RBFOX1: variants seen among roughly 807,000 people sequenced by gnomAD.
The protein encoded by RBFOX1 is RNA binding protein fox-1 homolog 1.
RBFOX1 carries 8 observed loss-of-function variants against 57.7 expected under a neutral mutation model. That is an observed-to-expected ratio of 0.14 (90% CI 0.08 to 0.25). The LOEUF is 0.25. Ranked by LOEUF, RBFOX1 falls within the 10% of genes least tolerant of loss-of-function variation. The probability of loss-of-function intolerance (pLI) is 1.00; values close to 1 mark genes in which losing one functional copy is unlikely to be tolerated. For missense variants in RBFOX1, 611 were observed against 548.5 expected, an observed-to-expected ratio of 1.11 and a Z score of -1.14; for synonymous variants, 326 against 222.4, an observed-to-expected ratio of 1.47 and a Z score of -4.15.
At chr16:6,876,868 C>T (rs1252290709) in intron 3 of RBFOX1, among the ~76,000 whole-genome samples, 1 of 152,148 alleles carries the variant, frequency 6.6e-6, no homozygotes, top group Non-Finnish European at 1.5e-5. Context: ...TGGCATTCAT[C>T]ATAGTGTAAA....
At chr16:7,343,897 T>G (rs1177957021) in intron 4 of RBFOX1, among the ~76,000 whole-genome samples, 1 of 152,108 alleles carries the variant, frequency 6.6e-6, no homozygotes, top group African/African-American at 2.4e-5. Context: ...GTCCACAATA[T>G]AGCACCTGGC....
intron 3 of RBFOX1, among the ~76,000 whole-genome samples, chr16:6,903,255 G>T (rs994201298): frequency 6.6e-6 from 1 of 152,200 alleles, no homozygotes; most frequent in Non-Finnish European, 1.5e-5. Context: ...CATTGTAGCT[G>T]CCGCCAGGGG....
chr16:7,324,300 A>G (rs1205742124), intron 4 of RBFOX1, among the ~76,000 whole-genome samples: 2 of 152,214 alleles, frequency 1.3e-5, no homozygotes, highest in East Asian at 1.9e-4. Context: ...TGGAATTAGT[A>G]CAAAAATCCT....
chr16:6,300,328 T>A (rs1422803675), intron 1 of RBFOX1, among the ~76,000 whole-genome samples: 1 of 152,194 alleles, frequency 6.6e-6, no homozygotes, highest in South Asian at 2.1e-4. Context: ...ACGTTTTAAG[T>A]GTTCTCACCA....
chr16:7,110,084 T>G (rs561489633), intron 4 of RBFOX1, among the ~76,000 whole-genome samples: 24 of 151,464 alleles, frequency 1.6e-4, no homozygotes, highest in African/African-American at 5.8e-4. Flanking sequence ...GTGTGGTGGC[T>G]CAGGCATGTA....
At chr16:6,307,329 G>C (rs1465238023) in intron 1 of RBFOX1, among the ~76,000 whole-genome samples, 1 of 152,090 alleles carries the variant, frequency 6.6e-6, no homozygotes, top group African/African-American at 2.4e-5. Flanking sequence ...CTTGCAGTGA[G>C]CCAAGATCGC....
intron 14 of RBFOX1, among the ~76,000 whole-genome samples, chr16:7,683,209 T>C (rs1472674061): frequency 6.7e-6 from 1 of 149,128 alleles, no homozygotes; most frequent in Non-Finnish European, 1.5e-5. Context: ...AGAGTCACCG[T>C]AATTTTTTAA....
At chr16:5,936,034 ATTT>A (rs78887664) in intron 4 of RBFOX1, among the ~76,000 whole-genome samples, 2 of 149,596 alleles carry the variant, frequency 1.3e-5, no homozygotes, top group African/African-American at 4.9e-5. Flanking sequence ...ATCTGAACCC[ATTT>A]TTTTTTTATG....
intron 4 of RBFOX1, among the ~76,000 whole-genome samples, chr16:7,343,333 G>T (rs898802224): frequency 3.9e-5 from 6 of 152,104 alleles, no homozygotes; most frequent in African/African-American, 1.4e-4. Context: ...CTATGGATCA[G>T]TGTCCAGGCA....
At chr16:6,937,347 T>C (rs1026258775) in intron 3 of RBFOX1, among the ~76,000 whole-genome samples, 3 of 152,200 alleles carry the variant, frequency 2.0e-5, no homozygotes, top group African/African-American at 7.2e-5. Context: ...AATGTATCTT[T>C]TGAAGTAGAT....
At chr16:6,953,832 C>G (rs1176218306) in intron 3 of RBFOX1, among the ~76,000 whole-genome samples, 1 of 152,200 alleles carries the variant, frequency 6.6e-6, no homozygotes, top group Non-Finnish European at 1.5e-5. Flanking sequence ...AAAAATAACT[C>G]TTGGATACCT....
At chr16:7,157,641 G>A (rs151321501) in intron 4 of RBFOX1, among the ~76,000 whole-genome samples, 123 of 152,142 alleles carry the variant, frequency 8.1e-4, no homozygotes, top group Non-Finnish European at 1.6e-3. Flanking sequence ...ATCTAAACTG[G>A]ATTAAGGTGG....
chr16:7,704,371 C>T (rs954239539), intron 14 of RBFOX1, among the ~76,000 whole-genome samples: 2 of 152,140 alleles, frequency 1.3e-5, no homozygotes, highest in African/African-American at 2.4e-5. Flanking sequence ...TTTGCAAACT[C>T]ACAGAAATGA....
chr16:6,380,545 G>GGA (rs1039719732), intron 2 of RBFOX1, among the ~76,000 whole-genome samples: 1 of 151,098 alleles, frequency 6.6e-6, no homozygotes, highest in African/African-American at 2.4e-5. Flanking sequence ...AGTTCTGGGG[G>GGA]GAAAATAAAT....
At chr16:5,341,138 G>C (rs1278823039) in intron 1 of RBFOX1, among the ~76,000 whole-genome samples, 2 of 152,302 alleles carry the variant, frequency 1.3e-5, no homozygotes, top group African/African-American at 4.8e-5. Context: ...AGCAGGGTTG[G>C]TGCAGGATGA....
At chr16:6,519,160 T>C (rs1019338087) in intron 2 of RBFOX1, among the ~76,000 whole-genome samples, 4 of 151,982 alleles carry the variant, frequency 2.6e-5, no homozygotes, top group African/African-American at 9.7e-5. Flanking sequence ...AGTCAAGATA[T>C]GGGGGGAACC....
intron 3 of RBFOX1, among the ~76,000 whole-genome samples, chr16:5,623,251 T>G (rs2048252247): frequency 6.6e-6 from 1 of 152,120 alleles, no homozygotes; most frequent in African/African-American, 2.4e-5. Context: ...CTGTTTTCCG[T>G]TTCCCAGTGG....
rs558648664 is a variant in RBFOX1 at position 5,302,551 on chromosome 16, C to T, written c.219+62446C>T. On this transcript the variant is annotated intron_variant, in intron 1 of 2. Coordinates refer to the RBFOX1 transcript ENST00000585867. ...ATGGAGTGTTAAAAATCTTAAAGTA[C>T]GGTCAATGAATTTGTCTTTCAATTA... Among the ~76,000 whole-genome samples the T allele has an allele frequency of 2.4e-3, 367 of 152,244 alleles. 2 individuals are homozygous for T. Among genetic ancestry groups the T allele is most frequent in the Non-Finnish European group, 4.3e-3 (293 of 68,024 alleles).
intron 4 of RBFOX1, among the ~76,000 whole-genome samples, chr16:7,125,244 C>A (rs929305752): frequency 6.6e-6 from 1 of 152,136 alleles, no homozygotes; most frequent in African/African-American, 2.4e-5. Context: ...AGAGATAGAA[C>A]TTTGGGGTTG....
Sources: gnomAD v4.1 joint callset for allele counts (sites outside exome capture counted in the v4.1 genomes callset) on GRCh38, gnomAD v4.1.1 for gene constraint, MANE v1.5 for transcripts, NCBI Gene and HGNC (gene_info 2026-07-23, HGNC 2026-07-21) for gene names.